Variants in RMST observed in about 807,000 individuals in gnomAD.
The protein encoded by RMST is rhabdomyosarcoma 2 associated transcript.
chr12:97,563,651 G>A (rs975639515), intron 13 of RMST: 17 of 392,020 alleles, frequency 4.3e-5, no homozygotes, highest in Middle Eastern at 8.5e-4. Flanking sequence ...TAAGAATGTC[G>A]TGGAAGGATA....
At chr12:97,473,734 G>A (rs1009388748) in intron 5 of RMST, among the ~76,000 whole-genome samples, 17 of 152,126 alleles carry the variant, frequency 1.1e-4, no homozygotes, top group African/African-American at 3.9e-4. Context: ...TTCAATTCTC[G>A]CTTTCTATCT....
chr12:97,540,653 C>T (rs1336286967), intron 11 of RMST, among the ~76,000 whole-genome samples: 2 of 151,418 alleles, frequency 1.3e-5, no homozygotes, highest in Non-Finnish European at 3.0e-5. Context: ...CCTAGTTTAC[C>T]CATTTGGAAA....
At position 97,558,229 on chromosome 12, in the gene RMST, G is replaced by A. The variant is rs192649313; in HGVS notation, n.1546-2308G>A. On this transcript the variant is annotated intron_variant and non_coding_transcript_variant, in intron 11 of 13. Transcript: ENST00000640149. ...CAACAAGTACAGCTTGTTCTCCTTC[G>A]TCATGGAGTTGCTCTTAGTAGAGCT... 5.1e-3 allele frequency among the ~76,000 whole-genome samples: 776 copies of A among 152,212 alleles called. 7 individuals are homozygous for A. The highest frequency in any genetic ancestry group is 0.016 in the African/African-American group (681 of 41,540).
intron 10 of RMST, among the ~76,000 whole-genome samples, chr12:97,499,178 C>A (rs1290426483): frequency 6.6e-6 from 1 of 152,042 alleles, no homozygotes; most frequent in African/African-American, 2.4e-5. Context: ...TCTAGTTATA[C>A]CTTAAACACA....
At chr12:97,474,644 A>C (rs1241629386) in intron 5 of RMST, among the ~76,000 whole-genome samples, 2 of 151,690 alleles carry the variant, frequency 1.3e-5, no homozygotes. Flanking sequence ...AAAAAAAAAA[A>C]ACCTTGAGAA....
At chr12:97,533,425 C>T (rs1200992618) in intron 11 of RMST, 2 of 151,792 alleles carry the variant, frequency 1.3e-5, no homozygotes, top group African/African-American at 4.8e-5. Flanking sequence ...TTGATTATTT[C>T]TGATGTCTGG....
intron 10 of RMST, among the ~76,000 whole-genome samples, chr12:97,529,308 T>C (rs1021298720): frequency 1.3e-5 from 2 of 152,098 alleles, no homozygotes; most frequent in African/African-American, 2.4e-5. Context: ...TTTTGGGCCC[T>C]CCATGGCAGG....
Position 97,516,089 on chromosome 12 carries a change from G to T in RMST, n.1341-14566G>T, listed in dbSNP as rs184240089. On this transcript the variant is annotated intron_variant and non_coding_transcript_variant, in intron 10 of 13. Coordinates refer to ENST00000640149, the Ensembl canonical transcript of RMST. Reference sequence around the variant, plus strand: ...TCTAAAAATCATAGGTCATTCCTATGATGAATCTCCAGTTTTTAGAGATGT... The same window carrying T: ...TCTAAAAATCATAGGTCATTCCTATTATGAATCTCCAGTTTTTAGAGATGT... Among the ~76,000 whole-genome samples, 759 of 152,068 alleles carry T rather than the reference G, an allele frequency of 5.0e-3. 8 individuals are homozygous for T. The highest frequency in any genetic ancestry group is 0.017 in the African/African-American group (690 of 41,520).
intron 5 of RMST, among the ~76,000 whole-genome samples, chr12:97,472,469 A>T (rs972434624): frequency 1.3e-5 from 2 of 152,106 alleles, no homozygotes; most frequent in African/African-American, 4.8e-5. Flanking sequence ...TGCTAGGAAG[A>T]TCCGAATCCA....
intron 5 of RMST, among the ~76,000 whole-genome samples, chr12:97,484,308 G>A (rs1430856857): frequency 1.3e-5 from 2 of 152,082 alleles, no homozygotes; most frequent in African/African-American, 2.4e-5. Flanking sequence ...CAGTTCAGAT[G>A]GCCAAGCTCA....
rs147383931 is a variant in RMST, at chr12:97,510,454, A to C, written n.1340+14398A>C. 4.8e-3 allele frequency among the ~76,000 whole-genome samples: 727 copies of C among 152,346 alleles called. 8 individuals are homozygous for C. Among genetic ancestry groups the C allele is most frequent in the African/African-American group, 0.017 (698 of 41,576 alleles). On this transcript the variant is annotated intron_variant and non_coding_transcript_variant, in intron 10 of 13. Coordinates refer to ENST00000640149, the Ensembl canonical transcript of RMST. Reference sequence around the variant, plus strand: ...ATTGAGCATCCACAGCTTTGCTACAAATGAAGATGGACCATTACGTGCTCT... The same window carrying C: ...ATTGAGCATCCACAGCTTTGCTACACATGAAGATGGACCATTACGTGCTCT...
intron 10 of RMST, among the ~76,000 whole-genome samples, chr12:97,505,124 T>C (rs956410800): frequency 2.7e-4 from 41 of 152,242 alleles, no homozygotes; most frequent in Admixed American, 2.7e-3. Context: ...AAGTGAAATT[T>C]AGTGTCTGAC....
intron 11 of RMST, among the ~76,000 whole-genome samples, chr12:97,536,195 T>C (rs769379068): frequency 7.3e-5 from 11 of 151,398 alleles, no homozygotes; most frequent in Non-Finnish European, 1.2e-4. Flanking sequence ...CAATTGTTTA[T>C]GACAAATGCA....
intron 11 of RMST, among the ~76,000 whole-genome samples, chr12:97,547,195 C>T (rs1357824902): frequency 6.7e-6 from 1 of 149,172 alleles, no homozygotes; most frequent in Non-Finnish European, 1.5e-5. Context: ...CTTTTTTAAT[C>T]ACTAAATAAT....
chr12:97,503,502 C>T (rs370449961), intron 10 of RMST, among the ~76,000 whole-genome samples: 9 of 149,880 alleles, frequency 6.0e-5, no homozygotes, highest in African/African-American at 2.2e-4. Context: ...AAAATAAGCA[C>T]TTTGAGGACT....
intron 10 of RMST, among the ~76,000 whole-genome samples, chr12:97,513,624 T>C (rs1276638379): frequency 1.3e-5 from 2 of 152,220 alleles, no homozygotes; most frequent in Non-Finnish European, 2.9e-5. Context: ...TTAGCTCTTA[T>C]ATTACCTATA....
intron 11 of RMST, among the ~76,000 whole-genome samples, chr12:97,549,360 G>A (rs1883162350): frequency 6.6e-6 from 1 of 152,172 alleles, no homozygotes; most frequent in Non-Finnish European, 1.5e-5. Context: ...GAGAGCATAT[G>A]GGCAATCAAA....
intron 10 of RMST, among the ~76,000 whole-genome samples, chr12:97,505,442 C>CA (rs551738761): frequency 6.6e-6 from 1 of 152,334 alleles, no homozygotes; most frequent in Non-Finnish European, 1.5e-5. Context: ...GTTCTGACAA[C>CA]AAAGACTGAA....
chr12:97,513,098 C>G lies in RMST; in HGVS notation n.1340+17042C>G, dbSNP rs1006464735. 2.6e-5 allele frequency among the ~76,000 whole-genome samples: 4 copies of G among 152,198 alleles called. No homozygotes were observed. In the South Asian group the frequency reaches 8.3e-4, roughly 31 times the overall value. The stretch of plus-strand genomic sequence containing the variant: ...AGGCCCGCAAGCACCGCGCGCAGCC[C>G]GGGTTCCCACCTGCGCCTCTCCCTC... On this transcript the variant is annotated intron_variant and non_coding_transcript_variant, in intron 10 of 13. Coordinates refer to ENST00000640149, the Ensembl canonical transcript of RMST.
Sources: allele counts gnomAD v4.1 joint callset (sites outside exome capture counted in the v4.1 genomes callset), GRCh38; gene constraint gnomAD v4.1.1; transcripts MANE v1.5; gene names NCBI Gene and HGNC (gene_info 2026-07-23, HGNC 2026-07-21).